Variants in CAPN13 observed in about 807,000 individuals in gnomAD.
The protein encoded by CAPN13 is calpain 13, also known as calpain-13.
CAPN13 carries 90 observed loss-of-function variants against 98.4 expected under a neutral mutation model. The ratio of observed to expected loss-of-function variants is 0.92; its 90% CI spans 0.77 to 1.09. The LOEUF (loss-of-function observed/expected upper bound fraction) is 1.09. Ranked by LOEUF, CAPN13 falls within the 50% of genes least tolerant of loss-of-function variation. The pLI is 0.00. For missense variants in CAPN13, 887 were observed against 841.3 expected, an observed-to-expected ratio of 1.05 and a Z score of -0.67; for synonymous variants, 330 against 305.5, an observed-to-expected ratio of 1.08 and a Z score of -0.84.
chr2:30,785,534 C>T (rs974409854), intron 2 of CAPN13, among the ~76,000 whole-genome samples: 13 of 152,196 alleles, frequency 8.5e-5, no homozygotes, highest in Admixed American at 7.2e-4. Context: ...GATTCGGCCC[C>T]TGGCTGCCTC....
chr2:30,769,955 A>G (rs58406898), intron 5 of CAPN13, among the ~76,000 whole-genome samples: 43,797 of 152,036 alleles, frequency 0.29, 7,532 homozygotes, highest in Non-Finnish European at 0.4. Flanking sequence ...CACCACCTCC[A>G]CACAGCCTCA....
In CAPN13 at chr2:30,745,122, T is replaced by A. The variant is rs150953901; in HGVS notation, c.1248+601A>T. ...TGGTCCCCAGGCAGATGCACCTCCCTCTTGGTGGCTCAGCACTCTCAGCCA... is the reference window on the plus strand; with the variant it reads ...TGGTCCCCAGGCAGATGCACCTCCCACTTGGTGGCTCAGCACTCTCAGCCA... On this transcript the variant is annotated intron_variant, in intron 12 of 22. Transcript: ENST00000295055. The A allele has an allele frequency of 7.5e-4, 336 of 450,918 alleles. 6 individuals carry two copies. The East Asian group carries it at 0.012, about 16-fold the overall frequency. The allele number at this position is 450,918 out of a possible 1,614,324, so 27.9% of individuals were successfully genotyped here. A position where few individuals can be genotyped will look rare whatever the true frequency, so the allele number is the denominator to read the frequency against.
In CAPN13 at chr2:30,738,279, T is replaced by C. The variant is rs1344032714; in HGVS notation, c.1609A>G (p.Met537Val). 1.2e-6 allele frequency: 2 copies of C among 1,613,878 alleles called. No individual in the cohort carries two copies. Among genetic ancestry groups the C allele is most frequent in the South Asian group, 1.1e-5 (1 of 91,058 alleles). Residue 537 changes from methionine to valine, a missense_variant, in exon 17 of 23, where the codon ATG (methionine) becomes GTG (valine). Met to Val is a conservative substitution (Grantham distance 21). Transcript: ENST00000295055. ...QELLTGPPGD[M>V]FSLDECRSLV... Reference sequence around the variant, plus strand: ...CTGCGGCACTCATCTAAGGAGAACATGTCCCCTGGAGGTCCTGAGGAGAGA... The same window carrying C: ...CTGCGGCACTCATCTAAGGAGAACACGTCCCCTGGAGGTCCTGAGGAGAGA...
intron 1 of CAPN13, among the ~76,000 whole-genome samples, chr2:30,789,187 A>T (rs1256755805): frequency 6.6e-6 from 1 of 152,230 alleles, no homozygotes; most frequent in Non-Finnish European, 1.5e-5. Flanking sequence ...AAGAGTAAGA[A>T]AACAGTGATA....
At chr2:30,770,481 A>G in intron 4 of CAPN13, 32 bp from the exon 5 acceptor site, 1 of 1,607,314 alleles carries the variant, frequency 6.2e-7, no homozygotes, top group Non-Finnish European at 8.5e-7. Context: ...GCTTTGACAG[A>G]GTTGAGGCAG....
chr2:30,795,700 G>T (rs550957186), intron 1 of CAPN13, among the ~76,000 whole-genome samples: 8 of 152,046 alleles, frequency 5.3e-5, no homozygotes, highest in East Asian at 1.9e-4. Context: ...CCAGTTTGTG[G>T]CTTATCTTCT....
intron 1 of CAPN13, among the ~76,000 whole-genome samples, chr2:30,800,188 G>GAAAGAA (rs1553322304): frequency 2.0e-5 from 3 of 148,036 alleles, no homozygotes; most frequent in African/African-American, 7.5e-5. Context: ...AAGAAAGAAA[G>GAAAGAA]AAAACTACGT....
At position 30,736,549 on chromosome 2, in the gene CAPN13, T is replaced by C. The variant is rs764423600; in HGVS notation, c.1676A>G (p.Asp559Gly). The C allele has an allele frequency of 1.2e-6, 2 of 1,613,986 alleles. No individual in the cohort carries two copies. The highest frequency in any genetic ancestry group is 1.7e-5 in the Admixed American group (1 of 60,026). ...LMELKVNGRL[D>G]QEEFARLWKR... ...CCACAGTCGCGCAAACTCCTCTTGG[T>C]CTAGCCGCCCATTCACTTTCAGCTG... Residue 559 changes from aspartate to glycine, a missense_variant, in exon 18 of 23, where the codon GAC (aspartate) becomes GGC (glycine). Asp to Gly is a moderately conservative substitution (Grantham distance 94). Coordinates refer to ENST00000295055, the MANE Select transcript of CAPN13 (RefSeq NM_144575.3).
intron 15 of CAPN13, 142 bp downstream of exon 15, chr2:30,741,766 G>A (rs72783018): frequency 0.067 from 100,242 of 1,504,162 alleles, 4,108 homozygotes; most frequent in East Asian, 0.15. Context: ...TTCTGGAGAC[G>A]ATCCAGGAAG....
At chr2:30,745,584 GC>G (rs778168506) in intron 12 of CAPN13, 138 bp downstream of exon 12, 27 of 766,562 alleles carry the variant, frequency 3.5e-5, no homozygotes, top group Non-Finnish European at 5.7e-5. Flanking sequence ...GGGATTCTAG[GC>G]CTGTGTCTGA....
intron 5 of CAPN13, among the ~76,000 whole-genome samples, chr2:30,768,112 G>A (rs72867164): frequency 0.015 from 2,292 of 152,234 alleles, 65 homozygotes; most frequent in African/African-American, 0.052. Flanking sequence ...GCCCCTTCAC[G>A]GTGCCTGCCT....
intron 13 of CAPN13, among the ~76,000 whole-genome samples, chr2:30,742,908 G>A (rs545342343): frequency 6.6e-6 from 1 of 152,228 alleles, no homozygotes; most frequent in Non-Finnish European, 1.5e-5. Flanking sequence ...TTCAGGCCAT[G>A]TGATATGCTG....
At chr2:30,796,791 T>C (rs530197668) in intron 1 of CAPN13, among the ~76,000 whole-genome samples, 62 of 152,222 alleles carry the variant, frequency 4.1e-4, no homozygotes, top group Non-Finnish European at 7.2e-4. Context: ...CTATTTAAAA[T>C]GAGACAAAAC....
rs1675641687 is a variant in CAPN13 at position 30,806,557 on chromosome 2, C to G, written c.-33+745G>C. On this transcript the variant is annotated intron_variant, in intron 1 of 22. Coordinates refer to ENST00000295055, the MANE Select transcript of CAPN13 (RefSeq NM_144575.3). ...TGTTTGTGACCCAGGACAAATGGGA[C>G]AGTCAGTAGTTCATGACCCAACTGT... 2.0e-5 allele frequency among the ~76,000 whole-genome samples: 3 copies of G among 152,176 alleles called. 1 individual carries two copies. The South Asian group carries it at 6.2e-4, about 32-fold the overall frequency.
intron 21 of CAPN13, 84 bp downstream of exon 21, chr2:30,731,260 T>G (rs1671075383): frequency 1.6e-6 from 2 of 1,274,966 alleles, no homozygotes; most frequent in Non-Finnish European, 2.1e-6. Flanking sequence ...TTCAATATCC[T>G]CAGGGAGAAA....
intron 12 of CAPN13, chr2:30,745,216 C>G (rs1417851386): frequency 2.1e-6 from 1 of 472,426 alleles, no homozygotes; most frequent in Admixed American, 2.3e-5. Context: ...TTTCTCCATC[C>G]TTCCTCATAT....
intron 1 of CAPN13, 119 bp downstream of exon 1, chr2:30,807,183 T>C (rs992435651): frequency 6.6e-6 from 1 of 152,194 alleles, no homozygotes; most frequent in African/African-American, 2.4e-5. Flanking sequence ...AATATGTACC[T>C]TGGGAGGTGG....
chr2:30,793,468 C>T lies in CAPN13; in HGVS notation c.-32-6111G>A, dbSNP rs77237230. Reference sequence around the variant, plus strand: ...AACTAAATAAATGGAGAGATATATCCGGTTCATTTATTGGAAGGCTCAATA... The same window carrying T: ...AACTAAATAAATGGAGAGATATATCTGGTTCATTTATTGGAAGGCTCAATA... On this transcript the variant is annotated intron_variant, in intron 1 of 22. Transcript: ENST00000295055. 7.7e-3 allele frequency among the ~76,000 whole-genome samples: 1,163 copies of T among 151,492 alleles called. 21 individuals carry two copies. In the East Asian group the frequency reaches 0.083, roughly 11 times the overall value.
intron 17 of CAPN13, 125 bp from the exon 18 acceptor site, chr2:30,736,696 G>T (rs72867120): frequency 0.075 from 61,509 of 822,264 alleles, 3,036 homozygotes; most frequent in African/African-American, 0.2. Context: ...TCACCTGGAT[G>T]TGGCCCCATG....
Sources: allele counts gnomAD v4.1 joint callset (sites outside exome capture counted in the v4.1 genomes callset), GRCh38; gene constraint gnomAD v4.1.1; transcripts MANE v1.5; gene names NCBI Gene and HGNC (gene_info 2026-07-23, HGNC 2026-07-21).